EIF2B3: variants seen among roughly 807,000 people sequenced by gnomAD.
The protein encoded by EIF2B3 is eukaryotic translation initiation factor 2B subunit gamma, also known as translation initiation factor eIF2B subunit gamma.
A neutral mutation model predicts 54.1 loss-of-function variants in EIF2B3; 20 were observed. The ratio of observed to expected loss-of-function variants is 0.37; its 90% CI spans 0.26 to 0.54. EIF2B3 has a LOEUF of 0.54. EIF2B3 is among the 20% of genes least tolerant of loss of function. The pLI is 0.86. For missense variants in EIF2B3, 448 were observed against 547.8 expected (o/e 0.82, Z 1.82); for synonymous variants, 153 against 188.1 (o/e 0.81, Z 1.52).
intron 6 of EIF2B3, among the ~76,000 whole-genome samples, chr1:44,885,012 G>A (rs938858832): frequency 6.6e-6 from 1 of 152,224 alleles, no homozygotes; most frequent in Non-Finnish European, 1.5e-5. Context: ...CCTAGTTAAA[G>A]TGCAGGCAGC....
At chr1:44,961,493 CAT>C in intron 3 of EIF2B3, among the ~76,000 whole-genome samples, 1 of 152,000 alleles carries the variant, frequency 6.6e-6, no homozygotes, top group African/African-American at 2.4e-5. Context: ...GCCTGGGTAA[CAT>C]AGCAAGACCT....
chr1:44,985,584 TAA>T (rs915967541), intron 1 of EIF2B3, among the ~76,000 whole-genome samples: 5 of 152,186 alleles, frequency 3.3e-5, no homozygotes, highest in Non-Finnish European at 1.5e-5. Context: ...CACAACTGTA[TAA>T]GAGTCAAACT....
chr1:44,905,337 T>A (rs914906907), intron 5 of EIF2B3, among the ~76,000 whole-genome samples: 4 of 152,140 alleles, frequency 2.6e-5, no homozygotes, highest in African/African-American at 9.7e-5. Flanking sequence ...CTGCTCCAGG[T>A]CCAGTTTTTA....
At chr1:44,874,268 C>T (rs1313679756) in intron 10 of EIF2B3, among the ~76,000 whole-genome samples, 1 of 152,210 alleles carries the variant, frequency 6.6e-6, no homozygotes, top group Non-Finnish European at 1.5e-5. Flanking sequence ...AATCGACTTT[C>T]AAATGTTTGT....
intron 3 of EIF2B3, among the ~76,000 whole-genome samples, chr1:44,942,433 T>A (rs1257362566): frequency 1.6e-5 from 1 of 64,042 alleles, no homozygotes; most frequent in African/African-American, 7.0e-5. Flanking sequence ...TTTTTTTTTT[T>A]TTTTTTTTTT....
In EIF2B3 at chr1:44,978,468, A is replaced by G. The variant is rs1367086714; in HGVS notation, c.149-8T>C. On this transcript the variant is annotated splice_polypyrimidine_tract_variant and splice_region_variant and intron_variant, in intron 2 of 11. Coordinates refer to ENST00000360403, the MANE Select transcript of EIF2B3 (RefSeq NM_020365.5). ...TTGTAACCACAATGACTTCTATAGG[A>G]CAAAAGAAAAAAAGAAAGAAAAACA... is the stretch of plus-strand genomic sequence containing the variant. 1 of 1,611,644 alleles carries G rather than the reference A, an allele frequency of 6.2e-7. No individual in the cohort carries two copies. Among genetic ancestry groups the G allele is most frequent in the Non-Finnish European group, 8.5e-7 (1 of 1,179,888 alleles).
At chr1:44,938,824 G>A (rs893219950) in intron 4 of EIF2B3, among the ~76,000 whole-genome samples, 1 of 151,988 alleles carries the variant, frequency 6.6e-6, no homozygotes, top group African/African-American at 2.4e-5. Flanking sequence ...GAGGCCAAGT[G>A]TGGTGACTCA....
In EIF2B3 at chr1:44,881,859, C is replaced by CA; in HGVS notation, c.657-121dup. 7.3e-7 allele frequency: 1 copy of CA among 1,366,968 alleles called. No homozygotes were observed. The highest frequency in any genetic ancestry group is 1.0e-6 in the Non-Finnish European group (1 of 983,112). The allele number at this position is 1,366,968 out of a possible 1,614,324, so 84.7% of individuals were successfully genotyped here. A position where few individuals can be genotyped will look rare whatever the true frequency, so the allele number is the denominator to read the frequency against. Reference sequence around the variant, plus strand: ...TCCTGTCATGGCACCTTGGGACTGTCAGAGATCAAATGTGGCATTGACTTG... The same window carrying CA: ...TCCTGTCATGGCACCTTGGGACTGTCAAGAGATCAAATGTGGCATTGACTTG... On this transcript the variant is annotated intron_variant, in intron 6 of 11. Coordinates refer to ENST00000360403, the MANE Select transcript of EIF2B3 (RefSeq NM_020365.5). The surrounding 1 kb of genome is among the most constrained non-coding windows in gnomAD (Gnocchi z 4.0).
chr1:44,860,624 T>TA (rs1185150759), intron 10 of EIF2B3, among the ~76,000 whole-genome samples: 1 of 152,204 alleles, frequency 6.6e-6, no homozygotes, highest in African/African-American at 2.4e-5. Context: ...TCAGAATCCA[T>TA]AATTTAATCA....
At chr1:44,866,550 C>T (rs1654789219) in intron 10 of EIF2B3, among the ~76,000 whole-genome samples, 1 of 151,710 alleles carries the variant, frequency 6.6e-6, no homozygotes, top group Non-Finnish European at 1.5e-5. Flanking sequence ...TAGTTTATGG[C>T]TATGACAATT....
intron 10 of EIF2B3, among the ~76,000 whole-genome samples, chr1:44,859,587 G>A (rs1393398184): frequency 6.6e-6 from 1 of 151,960 alleles, no homozygotes; most frequent in Admixed American, 6.6e-5. Context: ...GAACCTGGGA[G>A]GCGGAGGTTG....
At chr1:44,965,511 G>A (rs559912686) in intron 3 of EIF2B3, among the ~76,000 whole-genome samples, 2 of 151,922 alleles carry the variant, frequency 1.3e-5, no homozygotes, top group African/African-American at 4.8e-5. Flanking sequence ...GACTACTAAT[G>A]CTTAGTGGAG....
intron 5 of EIF2B3, among the ~76,000 whole-genome samples, chr1:44,913,448 G>T (rs1356425175): frequency 6.6e-6 from 1 of 151,974 alleles, no homozygotes; most frequent in African/African-American, 2.4e-5. Flanking sequence ...AATCCGAGTG[G>T]GGTCAGCAAA....
intron 11 of EIF2B3, among the ~76,000 whole-genome samples, chr1:44,856,584 T>C (rs1654441350): frequency 6.7e-6 from 1 of 150,058 alleles, no homozygotes; most frequent in Non-Finnish European, 1.5e-5. Context: ...AAAATTTCAC[T>C]TGGTGCACAG....
intron 3 of EIF2B3, among the ~76,000 whole-genome samples, chr1:44,945,351 G>A (rs914994564): frequency 1.6e-4 from 25 of 151,772 alleles, no homozygotes; most frequent in African/African-American, 5.6e-4. Context: ...TCAGGAGATC[G>A]AGACCATCCT....
intron 11 of EIF2B3, among the ~76,000 whole-genome samples, 164 bp from the exon 12 acceptor site, chr1:44,851,167 C>T (rs1038826112): frequency 6.6e-5 from 10 of 152,026 alleles, no homozygotes; most frequent in East Asian, 1.9e-4. Context: ...CAGGTTCATG[C>T]GATTCTCCTG....
At position 44,981,298 on chromosome 1, in the gene EIF2B3, C is replaced by T. The variant is rs114858235; in HGVS notation, c.-9-121G>A. ...ACCCACTATGTCAAATGCATAATTC[C>T]TAACTCTAGCAATCACAGTAAGAAA... On this transcript the variant is annotated intron_variant, in intron 1 of 11. Transcript: ENST00000360403. 1.7e-3 allele frequency: 1,697 copies of T among 997,796 alleles called. 20 individuals carry two copies. In the African/African-American group the frequency reaches 0.025, roughly 14 times the overall value. 61.8% of individuals were successfully genotyped at this position (997,796 alleles called of 1,614,324 possible).
intron 8 of EIF2B3, among the ~76,000 whole-genome samples, 163 bp from the exon 9 acceptor site, chr1:44,875,858 C>T (rs544050364): frequency 2.4e-4 from 37 of 152,340 alleles, no homozygotes; most frequent in African/African-American, 8.9e-4. Flanking sequence ...TGTACTGCTG[C>T]CATCTCGGCT....
chr1:44,858,159 A>G (rs1316140072), intron 10 of EIF2B3, among the ~76,000 whole-genome samples: 1 of 149,056 alleles, frequency 6.7e-6, no homozygotes, highest in Non-Finnish European at 1.5e-5. Context: ...GCAGCCTCTA[A>G]AACTCCTGGG....
Sources: allele counts gnomAD v4.1 joint callset (sites outside exome capture counted in the v4.1 genomes callset), GRCh38; gene constraint gnomAD v4.1.1; non-coding constraint Gnocchi (gnomAD v3.1); transcripts MANE v1.5; gene names NCBI Gene and HGNC (gene_info 2026-07-23, HGNC 2026-07-21).